Variants in ADARB2 observed in about 807,000 individuals in gnomAD.
ADARB2 encodes the protein adenosine deaminase RNA specific B2 (inactive), also known as inactive double-stranded RNA-specific editase B2.
ADARB2 carries 25 observed loss-of-function variants against 62.2 expected under a neutral mutation model. That is an observed-to-expected ratio of 0.40 (90% CI 0.29 to 0.56). The LOEUF (loss-of-function observed/expected upper bound fraction) is 0.56. ADARB2 is among the 20% of genes least tolerant of loss of function. ADARB2 has a pLI of 0.43. For synonymous variants in ADARB2, 572 were observed against 500.8 expected (o/e 1.14, Z -1.90); for missense variants, 1,071 against 1,077.4 (o/e 0.99, Z 0.08).
At position 1,240,432 on chromosome 10, in the gene ADARB2, G is replaced by A. The variant is rs563614290; in HGVS notation, c.1361+1699C>T. 5 of 152,294 alleles carry A rather than the reference G, an allele frequency of 3.3e-5. No individual in the cohort carries two copies. The East Asian group carries it at 9.7e-4, about 30-fold the overall frequency. 9.4% of individuals were successfully genotyped at this position (152,294 alleles called of 1,614,324 possible). ...TCACACGTTCTGCCCCATGGGTGAT[G>A]GATTGTGTTCTGTGGGGCCCTGAGA... On this transcript the variant is annotated intron_variant, in intron 5 of 9. Coordinates refer to ENST00000381312, the MANE Select transcript of ADARB2 (RefSeq NM_018702.4).
intron 1 of ADARB2, among the ~76,000 whole-genome samples, chr10:1,719,223 C>A (rs1835058372): frequency 6.6e-6 from 1 of 152,164 alleles, no homozygotes; most frequent in African/African-American, 2.4e-5. Context: ...CTCAGCCTCC[C>A]AAAGTGCTGG....
intron 1 of ADARB2, among the ~76,000 whole-genome samples, chr10:1,418,444 G>C (rs1279238338): frequency 1.3e-5 from 2 of 152,198 alleles, no homozygotes; most frequent in African/African-American, 2.4e-5. Context: ...TTGTATGTGG[G>C]TTCTGGCTAG....
intron 1 of ADARB2, among the ~76,000 whole-genome samples, chr10:1,728,247 T>A (rs991697683): frequency 6.6e-5 from 10 of 152,194 alleles, no homozygotes; most frequent in African/African-American, 1.7e-4. Context: ...CTTTAAACAA[T>A]GATGTTTTGC....
At chr10:1,361,778 C>T (rs1047988854) in intron 3 of ADARB2, 1 of 152,228 alleles carries the variant, frequency 6.6e-6, no homozygotes, top group African/African-American at 2.4e-5. Flanking sequence ...GGCAAAATAA[C>T]AGATTCTGTC....
chr10:1,289,858 A>T (rs890507922), intron 3 of ADARB2, among the ~76,000 whole-genome samples: 1 of 152,244 alleles, frequency 6.6e-6, no homozygotes, highest in Non-Finnish European at 1.5e-5. Context: ...CGTTCGCCAA[A>T]CAATAGCCTC....
At chr10:1,223,444 C>G (rs939428817) in intron 6 of ADARB2, among the ~76,000 whole-genome samples, 5 of 152,144 alleles carry the variant, frequency 3.3e-5, no homozygotes, top group African/African-American at 1.2e-4. Flanking sequence ...CCAGAACTTC[C>G]AACACTATGT....
chr10:1,401,077 G>A (rs1832657677), intron 1 of ADARB2, among the ~76,000 whole-genome samples: 1 of 152,094 alleles, frequency 6.6e-6, no homozygotes, highest in Non-Finnish European at 1.5e-5. Flanking sequence ...CCTCGCCAGG[G>A]CCCCAGCCTG....
chr10:1,329,916 G>A (rs1213136841), intron 3 of ADARB2, among the ~76,000 whole-genome samples: 1 of 145,578 alleles, frequency 6.9e-6, no homozygotes, highest in Non-Finnish European at 1.5e-5. Flanking sequence ...CTAAAGCCAG[G>A]TAGAAGAAGT....
chr10:1,512,048 A>G (rs1831943536), intron 1 of ADARB2, among the ~76,000 whole-genome samples: 1 of 152,040 alleles, frequency 6.6e-6, no homozygotes, highest in African/African-American at 2.4e-5. Context: ...GGATGTCAAG[A>G]CATGGATGCT....
At chr10:1,701,258 T>C (rs371614490) in intron 1 of ADARB2, among the ~76,000 whole-genome samples, 2 of 548 alleles carry the variant, frequency 3.6e-3, no homozygotes, top group African/African-American at 4.0e-3. Flanking sequence ...CAGGCGCTAG[T>C]CAATACACGC....
intron 7 of ADARB2, among the ~76,000 whole-genome samples, chr10:1,211,626 T>C (rs542344178): frequency 4.6e-5 from 7 of 152,350 alleles, no homozygotes; most frequent in African/African-American, 1.7e-4. Flanking sequence ...CAGTCAGCTC[T>C]CGAAAGAAAG....
intron 1 of ADARB2, among the ~76,000 whole-genome samples, chr10:1,580,503 C>CT (rs11376658): frequency 0.042 from 6,064 of 144,768 alleles, 340 homozygotes; most frequent in African/African-American, 0.13. Context: ...TGTCTTAAGG[C>CT]TTTTTTTTTT....
chr10:1,599,608 C>T (rs112075213), intron 1 of ADARB2, among the ~76,000 whole-genome samples: 3,053 of 152,314 alleles, frequency 0.02, 96 homozygotes, highest in African/African-American at 0.069. Flanking sequence ...GTGGAAGATG[C>T]AACCCTCCCA....
chr10:1,518,335 T>TA (rs1832032204), intron 1 of ADARB2, among the ~76,000 whole-genome samples: 1 of 152,336 alleles, frequency 6.6e-6, no homozygotes, highest in East Asian at 1.9e-4. Flanking sequence ...CGATGACTTC[T>TA]AGAGTTTCCA....
At chr10:1,314,590 C>A (rs905904308) in intron 3 of ADARB2, among the ~76,000 whole-genome samples, 4 of 152,180 alleles carry the variant, frequency 2.6e-5, no homozygotes, top group African/African-American at 9.7e-5. Flanking sequence ...CGCTTCTGAC[C>A]CACGTGACAG....
At chr10:1,607,729 C>G (rs1236096640) in intron 1 of ADARB2, among the ~76,000 whole-genome samples, 1 of 152,220 alleles carries the variant, frequency 6.6e-6, no homozygotes. Context: ...GGACGTCACA[C>G]GGCTGACTTC....
chr10:1,268,975 T>G (rs1329655522), intron 4 of ADARB2, among the ~76,000 whole-genome samples: 1 of 152,226 alleles, frequency 6.6e-6, no homozygotes, highest in African/African-American at 2.4e-5. Context: ...CCCAGAAAGA[T>G]GGAAAGATAT....
chr10:1,216,441 CGAGA>C (rs1564223765), intron 7 of ADARB2: 9 of 161,260 alleles, frequency 5.6e-5, no homozygotes, highest in African/African-American at 2.2e-4. Flanking sequence ...CCTCTCATCC[CGAGA>C]CCTCCACATG....
intron 1 of ADARB2, among the ~76,000 whole-genome samples, chr10:1,546,206 A>G (rs1051318873): frequency 6.6e-6 from 1 of 152,000 alleles, no homozygotes; most frequent in Non-Finnish European, 1.5e-5. Flanking sequence ...TGAACTCCCG[A>G]TTTTAGTCGG....
Sources: allele counts gnomAD v4.1 joint callset (sites outside exome capture counted in the v4.1 genomes callset), GRCh38; gene constraint gnomAD v4.1.1; transcripts MANE v1.5; gene names NCBI Gene and HGNC (gene_info 2026-07-23, HGNC 2026-07-21).